The following THOP1 variants were observed in gnomAD, a reference collection of about 807,000 sequenced individuals.
THOP1 encodes the protein thimet oligopeptidase.
Under a neutral mutation model 71.8 loss-of-function variants are expected in THOP1, and 49 were observed. That is an observed-to-expected ratio of 0.68 (90% confidence interval 0.54 to 0.87). THOP1 has a LOEUF of 0.87. THOP1 is among the 40% of genes least tolerant of loss of function. THOP1 has a pLI of 0.00. For synonymous variants in THOP1, 426 were observed against 421.5 expected, an observed-to-expected ratio of 1.01 and a Z score of -0.13; for missense variants, 843 against 975.6, an observed-to-expected ratio of 0.86 and a Z score of 1.81.
chr19:2,804,724 G>A lies in THOP1; in HGVS notation c.590-292G>A. 2.9e-6 allele frequency: 1 copy of A among 342,296 alleles called. No homozygotes were observed. Among genetic ancestry groups the A allele is most frequent in the East Asian group, 5.9e-5 (1 of 17,080 alleles). The allele number at this position is 342,296 out of a possible 1,614,324, so 21.2% of individuals were successfully genotyped here. On this transcript the variant is annotated intron_variant, in intron 5 of 12. Coordinates refer to ENST00000307741, the MANE Select transcript of THOP1 (RefSeq NM_003249.5). This position sits in a 1 kb window ranked among gnomAD's most constrained non-coding sequence, Gnocchi z 4.7. ...GCTGGATTTAGCTTTAACCTCTCTG[G>A]GGCAGGAGATCCTGCTCTGAGGATG...
At chr19:2,803,519 C>T (rs1360196867) in intron 5 of THOP1, among the ~76,000 whole-genome samples, 2 of 152,224 alleles carry the variant, frequency 1.3e-5, no homozygotes, top group Admixed American at 6.5e-5. Context: ...TGCAGCTTCT[C>T]TTCCAGTCCA....
At chr19:2,802,317 ACTTCCCG>A (rs1916166829) in intron 5 of THOP1, among the ~76,000 whole-genome samples, 1 of 72,996 alleles carries the variant, frequency 1.4e-5, no homozygotes. Context: ...CGACACCCCC[ACTTCCCG>A]ACACCCCCAC....
At chr19:2,807,406 C>T (rs1025734571) in intron 7 of THOP1, 36 bp from the exon 8 acceptor site, 6 of 1,538,156 alleles carry the variant, frequency 3.9e-6, no homozygotes, top group East Asian at 4.6e-5. Flanking sequence ...GAGGAGCCCG[C>T]GAGGCGAGAG....
At chr19:2,802,645 C>T (rs1286853071) in intron 5 of THOP1, among the ~76,000 whole-genome samples, 1 of 152,076 alleles carries the variant, frequency 6.6e-6, no homozygotes, top group Non-Finnish European at 1.5e-5. Context: ...GTTCCTGGTG[C>T]ATTTTGGAGG....
chr19:2,788,053 G>A (rs1915792023), intron 1 of THOP1, among the ~76,000 whole-genome samples: 1 of 152,150 alleles, frequency 6.6e-6, no homozygotes, highest in Non-Finnish European at 1.5e-5. Flanking sequence ...AATGTCCCCG[G>A]CCCCAAGACT....
At chr19:2,796,400 C>G (rs147807523) in intron 4 of THOP1, among the ~76,000 whole-genome samples, 1 of 146,772 alleles carries the variant, frequency 6.8e-6, no homozygotes, top group African/African-American at 2.5e-5. Flanking sequence ...GTGCTGGACT[C>G]AGGGAGTGCT....
chr19:2,790,492 G>A lies in THOP1; in HGVS notation c.88G>A (p.Ala30Thr). ...AAACGACCTGCGGTGGGACCTGAGT[G>A]CCCAGCAGATAGAGGAGCGCACCAG... ...VVNDLRWDLS[A>T]QQIEERTREL... The change falls in exon 2 of 13, where the codon GCC (alanine) becomes ACC (threonine). Residue 30 changes from alanine (A) to threonine (T), a missense_variant. Coordinates refer to ENST00000307741, the MANE Select transcript of THOP1 (RefSeq NM_003249.5). 1 of 1,606,388 alleles carries A rather than the reference G, an allele frequency of 6.2e-7. No individual in the cohort carries two copies. The highest frequency in any genetic ancestry group is 8.5e-7 in the Non-Finnish European group (1 of 1,176,394).
intron 8 of THOP1, 158 bp downstream of exon 8, chr19:2,807,966 G>A (rs542290938): frequency 1.8e-5 from 17 of 920,084 alleles, no homozygotes; most frequent in South Asian, 1.4e-4. Flanking sequence ...CACAGGGGCC[G>A]AAAATGCAGC....
intron 5 of THOP1, among the ~76,000 whole-genome samples, chr19:2,802,790 C>G (rs1916186307): frequency 6.6e-6 from 1 of 152,238 alleles, no homozygotes; most frequent in Non-Finnish European, 1.5e-5. Context: ...GACTCCGAAC[C>G]TTCCCTCCTT....
Position 2,804,450 on chromosome 19 carries a change from C to T in THOP1, c.590-566C>T, listed in dbSNP as rs1330749745. Reference sequence around the variant, plus strand: ...TGCGTGCTGAGATCTCAGCTCTGAGCGGGAGGCTCTGCCTGGGGGTGGTTC... The same window carrying T: ...TGCGTGCTGAGATCTCAGCTCTGAGTGGGAGGCTCTGCCTGGGGGTGGTTC... On this transcript the variant is annotated intron_variant, in intron 5 of 12. Coordinates refer to ENST00000307741, the MANE Select transcript of THOP1 (RefSeq NM_003249.5). The surrounding 1 kb of genome is among the most constrained non-coding windows in gnomAD (Gnocchi z 4.7). Among the ~76,000 whole-genome samples the T allele has an allele frequency of 1.3e-5, 2 of 152,110 alleles. No individual in the cohort carries two copies. Among genetic ancestry groups the T allele is most frequent in the East Asian group, 1.9e-4 (1 of 5,178 alleles).
At chr19:2,792,070 G>A (rs2238617) in intron 2 of THOP1, among the ~76,000 whole-genome samples, 4,640 of 152,306 alleles carry the variant, frequency 0.03, 166 homozygotes, top group South Asian at 0.15. Flanking sequence ...CTGTCCCCAT[G>A]CCAGCTGCCT....
chr19:2,807,410 G>A, intron 7 of THOP1, 32 bp from the exon 8 acceptor site: 1 of 1,546,076 alleles, frequency 6.5e-7, no homozygotes, highest in African/African-American at 1.4e-5. Context: ...AGCCCGCGAG[G>A]CGAGAGGCCC....
At position 2,811,655 on chromosome 19, in the gene THOP1, A is replaced by G; in HGVS notation, c.1829A>G (p.Tyr610Cys). Residue 610 changes from tyrosine (Y) to cysteine (C), a missense_variant, in exon 12 of 13, where the codon TAC (tyrosine) becomes TGC (cysteine). Physicochemically the swap from Tyr to Cys is radical, Grantham distance 194 (BLOSUM62 -2). Transcript: ENST00000307741. The part of the protein sequence containing the change: ...HLAGGYDAQY[Y>C]GYLWSEVYSM... Reference sequence around the variant, plus strand: ...GCAGGTGGCTACGACGCCCAGTACTACGGGTACCTGTGGAGCGAGGTGTAT... The same window carrying G: ...GCAGGTGGCTACGACGCCCAGTACTGCGGGTACCTGTGGAGCGAGGTGTAT... 1 of 1,613,458 alleles carries G rather than the reference A, an allele frequency of 6.2e-7. No homozygotes were observed. The highest frequency in any genetic ancestry group is 8.5e-7 in the Non-Finnish European group (1 of 1,179,970).
chr19:2,807,803 C>T lies in THOP1; in HGVS notation c.1248C>T (p.Tyr416=). 6.7e-7 allele frequency: 1 copy of T among 1,495,126 alleles called. No homozygotes were observed. The highest frequency in any genetic ancestry group is 8.9e-7 in the Non-Finnish European group (1 of 1,123,562). The allele number at this position is 1,495,126 out of a possible 1,614,324, so 92.6% of individuals were successfully genotyped here. Residue 416 remains tyrosine, a synonymous_variant, in exon 8 of 13, where the codon TAC becomes TAT. Transcript: ENST00000307741. ...TCGGCAAGTTCTACCTGGACCTGTA[C>T]CCGCGGTGGGTGAGGGCAGCGGGGG... ...EVVGKFYLDL[Y]PREGKYGHAA... is the part of the protein sequence containing the mutation.
chr19:2,794,652 A>G, intron 2 of THOP1, 112 bp from the exon 3 acceptor site: 4 of 1,327,948 alleles, frequency 3.0e-6, no homozygotes, highest in Non-Finnish European at 4.1e-6. Flanking sequence ...GAGGCAGGAG[A>G]GAGTTCACGG....
Position 2,790,440 on chromosome 19 carries a change from G to T in THOP1, c.36G>T (p.Ala12=), listed in dbSNP as rs1043320978. 2 of 1,567,094 alleles carry T rather than the reference G, an allele frequency of 1.3e-6. No individual in the cohort carries two copies. The highest frequency in any genetic ancestry group is 1.7e-6 in the Non-Finnish European group (2 of 1,155,982). Reference sequence around the variant, plus strand: ...GCGTAGCCTGTGCAGGAGACATGGCGGACGCAGCATCTCCGTGCTCTGTGG... The same window carrying T: ...GCGTAGCCTGTGCAGGAGACATGGCTGACGCAGCATCTCCGTGCTCTGTGG... The part of the protein sequence containing the change: ...KPPAACAGDM[A]DAASPCSVVN... The change falls in exon 2 of 13, where the codon GCG becomes GCT. Residue 12 remains alanine (A), a synonymous_variant. Transcript: ENST00000307741.
chr19:2,807,905 C>T (rs577392921), intron 8 of THOP1, 97 bp downstream of exon 8: 1 of 1,329,722 alleles, frequency 7.5e-7, no homozygotes, highest in East Asian at 2.6e-5. Flanking sequence ...TCGTTGCCTG[C>T]TCCATGGGGC....
intron 4 of THOP1, among the ~76,000 whole-genome samples, chr19:2,796,740 C>T (rs149009571): frequency 2.6e-5 from 4 of 152,164 alleles, no homozygotes; most frequent in South Asian, 2.1e-4. Flanking sequence ...TCCTCGGGAG[C>T]GTCCCCCCTT....
In THOP1 at chr19:2,804,700, C is replaced by G. The variant is rs1916247277; in HGVS notation, c.590-316C>G. 2 of 250,010 alleles carry G rather than the reference C, an allele frequency of 8.0e-6. No individual in the cohort carries two copies. Among genetic ancestry groups the G allele is most frequent in the Non-Finnish European group, 1.5e-5 (2 of 131,382 alleles). 15.5% of individuals were successfully genotyped at this position (250,010 alleles called of 1,614,324 possible). A position where few individuals can be genotyped will look rare whatever the true frequency, so the allele number is the denominator to read the frequency against. Reference sequence around the variant, plus strand: ...AAGCCCACGATGTCCGGGGGTTGGGCTGGATTTAGCTTTAACCTCTCTGGG... The same window carrying G: ...AAGCCCACGATGTCCGGGGGTTGGGGTGGATTTAGCTTTAACCTCTCTGGG... On this transcript the variant is annotated intron_variant, in intron 5 of 12. Transcript: ENST00000307741. The surrounding 1 kb of genome is among the most constrained non-coding windows in gnomAD (Gnocchi z 4.7).
Sources: allele counts gnomAD v4.1 joint callset (sites outside exome capture counted in the v4.1 genomes callset), GRCh38; gene constraint gnomAD v4.1.1; non-coding constraint Gnocchi (gnomAD v3.1); transcripts MANE v1.5; gene names NCBI Gene and HGNC (gene_info 2026-07-23, HGNC 2026-07-21).